The following RAB10 variants were observed in gnomAD, a reference collection of about 807,000 sequenced individuals.
The protein encoded by RAB10 is RAB10, member RAS oncogene family, also known as ras-related protein Rab-10.
RAB10 carries 5 observed loss-of-function variants against 25.7 expected under a neutral mutation model. That is an observed-to-expected ratio of 0.19 (90% CI 0.10 to 0.41). The LOEUF (loss-of-function observed/expected upper bound fraction) is 0.41. Ranked by LOEUF, RAB10 falls within the 10% of genes least tolerant of loss-of-function variation. RAB10 has a pLI of 1.00. For synonymous variants in RAB10, 89 were observed against 86.4 expected (o/e 1.03, Z -0.16); for missense variants, 103 against 245.8 (o/e 0.42, Z 3.89).
At chr2:26,064,341 T>C (rs1666469601) in intron 1 of RAB10, among the ~76,000 whole-genome samples, 1 of 152,180 alleles carries the variant, frequency 6.6e-6, no homozygotes, top group African/African-American at 2.4e-5. Context: ...GTGTTTGTTT[T>C]TGTATTTTGA....
intron 1 of RAB10, among the ~76,000 whole-genome samples, chr2:26,094,766 C>G (rs1667176616): frequency 6.6e-6 from 1 of 152,114 alleles, no homozygotes; most frequent in African/African-American, 2.4e-5. Context: ...ACCACATTGG[C>G]CAGGCTAGTC....
At chr2:26,090,938 C>G (rs1007456327) in intron 1 of RAB10, among the ~76,000 whole-genome samples, 4 of 63,820 alleles carry the variant, frequency 6.3e-5, no homozygotes, top group Non-Finnish European at 1.4e-4. Context: ...TGTCTCCCCC[C>G]CCAAAAAAAA....
intron 1 of RAB10, among the ~76,000 whole-genome samples, chr2:26,093,016 A>G (rs998908726): frequency 2.0e-5 from 3 of 152,162 alleles, no homozygotes; most frequent in Non-Finnish European, 2.9e-5. Flanking sequence ...GCAATAAGGT[A>G]AACCCAAGAG....
In RAB10 at chr2:26,125,043, T is replaced by G. The variant is rs150485739; in HGVS notation, c.328-2101T>G. Among the ~76,000 whole-genome samples the G allele has an allele frequency of 3.6e-3, 551 of 152,334 alleles. 3 individuals carry two copies. The highest frequency in any genetic ancestry group is 0.012 in the African/African-American group (517 of 41,578). On this transcript the variant is annotated intron_variant, in intron 3 of 5. Coordinates refer to ENST00000264710, the MANE Select transcript of RAB10 (RefSeq NM_016131.5). ...ATGTGGGTTGTTTTCACCCTTTTAC[T>G]ATTGTGAATAATGTTGCTGTGAACA...
In RAB10 at chr2:26,130,559, T is replaced by C. The variant is rs572631650; in HGVS notation, c.519+2608T>C. 2.8e-4 allele frequency among the ~76,000 whole-genome samples: 42 copies of C among 152,164 alleles called. 3 individuals carry two copies. The South Asian group carries it at 8.5e-3, about 31-fold the overall frequency. On this transcript the variant is annotated intron_variant, in intron 5 of 5. Transcript: ENST00000264710. The stretch of plus-strand genomic sequence containing the variant: ...CCTGGGCTCAAGCCATCCTCCTGCT[T>C]CAGCTTTCTGAGTAGCTAGGACCAC...
In RAB10 at chr2:26,067,954, G is replaced by A. The variant is rs978631275; in HGVS notation, c.128-30708G>A. 2.0e-5 allele frequency among the ~76,000 whole-genome samples: 3 copies of A among 152,176 alleles called. No individual in the cohort carries two copies. In the East Asian group the frequency reaches 5.8e-4, roughly 29 times the overall value. On this transcript the variant is annotated intron_variant, in intron 1 of 5. Transcript: ENST00000264710. Reference sequence around the variant, plus strand: ...ACCATACTTGCAGCAGAATTTGCTGGGGGGTTGATATATGTTCATCAAGTA... The same window carrying A: ...ACCATACTTGCAGCAGAATTTGCTGAGGGGTTGATATATGTTCATCAAGTA...
chr2:26,069,714 T>G (rs1270297715), intron 1 of RAB10, among the ~76,000 whole-genome samples: 2 of 141,492 alleles, frequency 1.4e-5, no homozygotes, highest in Non-Finnish European at 3.0e-5. Flanking sequence ...ACTCAGATAC[T>G]TTTTTTTTTG....
At chr2:26,054,013 C>CT (rs79698583) in intron 1 of RAB10, among the ~76,000 whole-genome samples, 165 of 105,010 alleles carry the variant, frequency 1.6e-3, no homozygotes, top group Middle Eastern at 5.4e-3. Flanking sequence ...CTTTTTCTTT[C>CT]TTTTTTTTTT....
chr2:26,038,087 T>C (rs1358453223), intron 1 of RAB10, among the ~76,000 whole-genome samples: 1 of 151,902 alleles, frequency 6.6e-6, no homozygotes, highest in East Asian at 1.9e-4. Context: ...GGTTTCACCA[T>C]GTTGGCCAGG....
chr2:26,056,459 A>G (rs1666269747), intron 1 of RAB10, among the ~76,000 whole-genome samples: 1 of 152,108 alleles, frequency 6.6e-6, no homozygotes, highest in Non-Finnish European at 1.5e-5. Context: ...GGCCTCCCAA[A>G]GTGCTGGGAT....
In RAB10 at chr2:26,103,919, CT is replaced by C. The variant is rs566018676; in HGVS notation, c.188+5206del. ...GTTGTACATGAATCAGTACTTCATT[CT>C]TTTTTTTTAATGGCTGAATAATACT... On this transcript the variant is annotated intron_variant, in intron 2 of 5. Transcript: ENST00000264710. Among the ~76,000 whole-genome samples, 70 of 150,106 alleles carry C rather than the reference CT, an allele frequency of 4.7e-4. 2 individuals are homozygous for C. The South Asian group carries it at 0.013, about 28-fold the overall frequency.
At chr2:26,134,686 G>A (rs1398548668) in intron 5 of RAB10, among the ~76,000 whole-genome samples, 1 of 152,204 alleles carries the variant, frequency 6.6e-6, no homozygotes, top group Non-Finnish European at 1.5e-5. Flanking sequence ...AGTTAGAGCT[G>A]AGAAGATTTC....
intron 1 of RAB10, among the ~76,000 whole-genome samples, chr2:26,096,430 C>CTGGATGGATGGA (rs10522075): frequency 4.0e-5 from 6 of 150,342 alleles, no homozygotes; most frequent in African/African-American, 1.5e-4. Flanking sequence ...GGCTGGCTGG[C>CTGGATGGATGGA]TGGATGGATG....
At chr2:26,118,162 G>A (rs377210541) in intron 3 of RAB10, among the ~76,000 whole-genome samples, 7 of 151,930 alleles carry the variant, frequency 4.6e-5, no homozygotes, top group Admixed American at 2.6e-4. Flanking sequence ...TAGTAGAGAC[G>A]GGGTTTCACC....
chr2:26,097,955 C>T (rs760707415), intron 1 of RAB10, among the ~76,000 whole-genome samples: 4 of 152,040 alleles, frequency 2.6e-5, no homozygotes, highest in Non-Finnish European at 4.4e-5. Context: ...TGGTAGTTTT[C>T]CTTTGTTCTG....
Position 26,098,675 on chromosome 2 carries a change from G to A in RAB10, c.141G>A (p.Lys47=). 6.3e-7 allele frequency: 1 copy of A among 1,591,622 alleles called. No homozygotes were observed. Among genetic ancestry groups the A allele is most frequent in the Non-Finnish European group, 8.6e-7 (1 of 1,161,122 alleles). Residue 47 remains lysine (K), a synonymous_variant, in exon 2 of 6, where the codon AAG becomes AAA. Transcript: ENST00000264710. ...TFISTIGIDF[K]IKTVELQGKK... ...TCTGCATTGTAGGAATAGACTTCAA[G>A]ATCAAAACAGTTGAATTACAAGGAA...
At chr2:26,116,533 TTCTTTCTG>T (rs1228453928) in intron 3 of RAB10, among the ~76,000 whole-genome samples, 3 of 150,012 alleles carry the variant, frequency 2.0e-5, no homozygotes, top group African/African-American at 7.3e-5. Flanking sequence ...TTTCTTTTCT[TTCTTTCTG>T]TCTTGTGTTT....
chr2:26,099,923 C>T (rs1218212905), intron 2 of RAB10, among the ~76,000 whole-genome samples: 6 of 152,162 alleles, frequency 3.9e-5, no homozygotes, highest in South Asian at 2.1e-4. Context: ...GTATCTACCC[C>T]GCAGAATGAC....
intron 1 of RAB10, among the ~76,000 whole-genome samples, chr2:26,069,805 A>C (rs1045495679): frequency 6.6e-6 from 1 of 151,782 alleles, no homozygotes; most frequent in Non-Finnish European, 1.5e-5. Context: ...TCTCAGGTTT[A>C]AGTGATTCTT....
Sources: gnomAD v4.1 joint callset for allele counts (sites outside exome capture counted in the v4.1 genomes callset) on GRCh38, gnomAD v4.1.1 for gene constraint, MANE v1.5 for transcripts, NCBI Gene and HGNC (gene_info 2026-07-23, HGNC 2026-07-21) for gene names.